The following SLC16A9 variants were observed in gnomAD, a reference collection of about 807,000 sequenced individuals.
The protein encoded by SLC16A9 is monocarboxylate transporter 9.
Under a neutral mutation model 44.3 loss-of-function variants are expected in SLC16A9, and 26 were observed. The ratio of observed to expected loss-of-function variants is 0.59; its 90% CI spans 0.43 to 0.81. The LOEUF (loss-of-function observed/expected upper bound fraction) is 0.81, where lower values mean the gene tolerates loss of function less well. Among genes scored for constraint, SLC16A9 ranks in the 40% least tolerant of loss-of-function variants. SLC16A9 has a pLI of 0.00. For missense variants in SLC16A9, 559 were observed against 595.8 expected, an observed-to-expected ratio of 0.94 and a Z score of 0.64; for synonymous variants, 230 against 225.1, an observed-to-expected ratio of 1.02 and a Z score of -0.19.
intron 1 of SLC16A9, among the ~76,000 whole-genome samples, chr10:59,693,751 C>G (rs1840305068): frequency 6.6e-6 from 1 of 151,100 alleles, no homozygotes; most frequent in Admixed American, 6.6e-5. Flanking sequence ...TCCCAAGTAG[C>G]TGGGGCTACA....
rs918642311 is a variant in SLC16A9, at chr10:59,651,390, A to T, written c.*1382T>A. On this transcript the variant is annotated 3_prime_UTR_variant, in exon 6 of 6. Transcript: ENST00000395348. ...AAAATCCCCTGACCTCTTGGGTTTT[A>T]AAAAAATTATTATTTAAAAGAATAA... is the stretch of plus-strand genomic sequence containing the variant. The T allele has an allele frequency of 2.6e-5, 4 of 152,160 alleles. No homozygotes were observed. The highest frequency in any genetic ancestry group is 7.2e-5 in the African/African-American group (3 of 41,450). 9.4% of individuals were successfully genotyped at this position (152,160 alleles called of 1,614,324 possible).
At chr10:59,669,617 C>T (rs114619317) in intron 3 of SLC16A9, among the ~76,000 whole-genome samples, 161 of 152,218 alleles carry the variant, frequency 1.1e-3, no homozygotes, top group African/African-American at 3.6e-3. Context: ...CCACGGATCA[C>T]CTGAGGTCAG....
intron 1 of SLC16A9, among the ~76,000 whole-genome samples, chr10:59,707,327 G>A (rs1397973913): frequency 7.5e-6 from 1 of 132,864 alleles, no homozygotes; most frequent in Admixed American, 7.4e-5. Context: ...GGGAAGGGAA[G>A]GGAAGGGAGG....
chr10:59,655,644 G>C (rs10465988), intron 4 of SLC16A9, among the ~76,000 whole-genome samples: 4,486 of 152,252 alleles, frequency 0.029, 209 homozygotes, highest in African/African-American at 0.1. Context: ...ACTAAACACA[G>C]AGGGTTGCCA....
intron 1 of SLC16A9, among the ~76,000 whole-genome samples, chr10:59,688,853 C>G (rs1840191632): frequency 6.6e-6 from 1 of 151,562 alleles, no homozygotes; most frequent in Non-Finnish European, 1.5e-5. Context: ...ATGAATAAAG[C>G]CAGTATTCCT....
chr10:59,681,783 G>GATGTAT lies in SLC16A9; in HGVS notation c.196+2307_196+2312dup, dbSNP rs6143937. Among the ~76,000 whole-genome samples the GATGTAT allele has an allele frequency of 5.3e-3, 27 of 5,100 alleles. 11 individuals are homozygous for GATGTAT. Among genetic ancestry groups the GATGTAT allele is most frequent in the African/African-American group, 5.8e-3 (23 of 3,988 alleles). 3.3% of individuals were successfully genotyped at this position (5,100 alleles called of 152,430 possible). On this transcript the variant is annotated intron_variant, in intron 2 of 5. Transcript: ENST00000395348. ...ATATGATGTATATGTATATGTATAT[G>GATGTAT]ATGTATATGTATATGTATATGTATA...
At chr10:59,702,819 C>G (rs907812103) in intron 1 of SLC16A9, among the ~76,000 whole-genome samples, 1 of 152,184 alleles carries the variant, frequency 6.6e-6, no homozygotes, top group African/African-American at 2.4e-5. Flanking sequence ...ACAAGTCAAA[C>G]ACTTAATTTA....
At chr10:59,688,101 T>C (rs1192326487) in intron 1 of SLC16A9, among the ~76,000 whole-genome samples, 3 of 152,348 alleles carry the variant, frequency 2.0e-5, no homozygotes, top group East Asian at 3.9e-4. Context: ...AACCTGTACC[T>C]TCCATGTCTC....
chr10:59,655,635 C>T (rs1430862431), intron 4 of SLC16A9, among the ~76,000 whole-genome samples: 2 of 152,272 alleles, frequency 1.3e-5, no homozygotes, highest in South Asian at 2.1e-4. Flanking sequence ...ACTGATCACA[C>T]TAAACACAGA....
intron 1 of SLC16A9, among the ~76,000 whole-genome samples, chr10:59,697,296 G>A (rs1168622659): frequency 6.6e-6 from 1 of 151,208 alleles, no homozygotes; most frequent in Non-Finnish European, 1.5e-5. Context: ...AGAAAGGGGG[G>A]AAAGGTGGGG....
At chr10:59,677,844 G>C (rs777926224) in intron 2 of SLC16A9, among the ~76,000 whole-genome samples, 1 of 151,248 alleles carries the variant, frequency 6.6e-6, no homozygotes, top group Non-Finnish European at 1.5e-5. Context: ...CAACCTCCAC[G>C]CACTTTTTTT....
chr10:59,669,216 A>G lies in SLC16A9; in HGVS notation c.340+3554T>C, dbSNP rs556580954. Among the ~76,000 whole-genome samples the G allele has an allele frequency of 2.4e-4, 36 of 152,330 alleles. 1 individual carries two copies. Among genetic ancestry groups the G allele is most frequent in the Middle Eastern group, 3.4e-3 (1 of 294 alleles). ...AGAGAAATTATTAGAAAGAGGCTTGAGCAAATCATTACAGGCACATTCCCT... is the reference window on the plus strand; with the variant it reads ...AGAGAAATTATTAGAAAGAGGCTTGGGCAAATCATTACAGGCACATTCCCT... On this transcript the variant is annotated intron_variant, in intron 3 of 5. Transcript: ENST00000395348.
chr10:59,697,107 T>TG lies in SLC16A9; in HGVS notation c.-37+12371dup, dbSNP rs1183072715. Among the ~76,000 whole-genome samples, 363 of 75,068 alleles carry TG rather than the reference T, an allele frequency of 4.8e-3. 23 individuals are homozygous for TG. Among genetic ancestry groups the TG allele is most frequent in the African/African-American group, 0.018 (343 of 18,916 alleles). The allele number at this position is 75,068 out of a possible 152,430, so 49.2% of individuals were successfully genotyped here. A position where few individuals can be genotyped will look rare whatever the true frequency, so the allele number is the denominator to read the frequency against. ...CCAGCCGCCCTGTCCGGGAGGGAGG[T>TG]GGGGGGGTTCAGCCCCCCGCCCAGC... On this transcript the variant is annotated intron_variant, in intron 1 of 5. Transcript: ENST00000395348.
At chr10:59,656,187 C>G (rs1361632180) in intron 4 of SLC16A9, among the ~76,000 whole-genome samples, 1 of 152,134 alleles carries the variant, frequency 6.6e-6, no homozygotes, top group Non-Finnish European at 1.5e-5. Context: ...TCTCATTAAA[C>G]GTGGCATATA....
At chr10:59,657,815 A>G (rs1483593909) in intron 4 of SLC16A9, among the ~76,000 whole-genome samples, 1 of 152,140 alleles carries the variant, frequency 6.6e-6, no homozygotes, top group Non-Finnish European at 1.5e-5. Context: ...TTGTAAATCA[A>G]AAATAAAATT....
Position 59,702,366 on chromosome 10 carries a change from TA to T in SLC16A9, c.-37+7112del, listed in dbSNP as rs1235941112. On this transcript the variant is annotated intron_variant, in intron 1 of 5. Transcript: ENST00000395348. Reference sequence around the variant, plus strand: ...TACCTGATTCTTTCCGATTCGGTTTTAAATGTTAAACATTCAGTGATGGTTA... The same window carrying T: ...TACCTGATTCTTTCCGATTCGGTTTTAATGTTAAACATTCAGTGATGGTTA... Among the ~76,000 whole-genome samples the T allele has an allele frequency of 5.3e-5, 8 of 152,350 alleles. No homozygotes were observed. In the East Asian group the frequency reaches 1.5e-3, roughly 29 times the overall value.
intron 2 of SLC16A9, among the ~76,000 whole-genome samples, chr10:59,677,731 T>C (rs1588976945): frequency 6.6e-6 from 1 of 152,254 alleles, no homozygotes; most frequent in Middle Eastern, 3.4e-3. Flanking sequence ...GGGATGAACA[T>C]CTATTCTAAA....
chr10:59,675,818 C>T (rs1839846690), intron 2 of SLC16A9, among the ~76,000 whole-genome samples: 1 of 152,232 alleles, frequency 6.6e-6, no homozygotes. Flanking sequence ...GGAAAAACCC[C>T]AGAACCATGC....
At chr10:59,667,069 T>A (rs944166921) in intron 3 of SLC16A9, among the ~76,000 whole-genome samples, 1 of 152,188 alleles carries the variant, frequency 6.6e-6, no homozygotes, top group Non-Finnish European at 1.5e-5. Flanking sequence ...TATTTTTTGA[T>A]AGCCAATGCA....
Sources: allele counts gnomAD v4.1 joint callset (sites outside exome capture counted in the v4.1 genomes callset), GRCh38; gene constraint gnomAD v4.1.1; transcripts MANE v1.5; gene names NCBI Gene and HGNC (gene_info 2026-07-23, HGNC 2026-07-21).